The following ATP2C1 variants were observed in gnomAD, a reference collection of about 807,000 sequenced individuals.
ATP2C1 encodes the protein calcium-transporting ATPase type 2C member 1.
A neutral mutation model predicts 120.5 loss-of-function variants in ATP2C1; 31 were observed. The ratio of observed to expected loss-of-function variants is 0.26; its 90% CI spans 0.19 to 0.35. The LOEUF is 0.35. Ranked by LOEUF, ATP2C1 falls within the 10% of genes least tolerant of loss-of-function variation. ATP2C1 has a pLI of 1.00. For missense variants in ATP2C1, 731 were observed against 1,107.5 expected (o/e 0.66, Z 4.83); for synonymous variants, 351 against 358.7 (o/e 0.98, Z 0.24).
intron 2 of ATP2C1, among the ~76,000 whole-genome samples, chr3:130,895,585 C>G (rs1296875035): frequency 3.3e-5 from 5 of 151,988 alleles, no homozygotes; most frequent in Non-Finnish European, 5.9e-5. Context: ...TTTCTTCTGC[C>G]TTTAACCGGG....
chr3:130,937,495 G>C, intron 6 of ATP2C1, 32 bp downstream of exon 6: 1 of 1,591,920 alleles, frequency 6.3e-7, no homozygotes, highest in Non-Finnish European at 8.6e-7. Flanking sequence ...CATGAAAATG[G>C]TATGTTAATT....
rs758908944 is a variant in ATP2C1 at position 130,945,901 on chromosome 3, GT to G, written c.531+4217del. Among the ~76,000 whole-genome samples the G allele has an allele frequency of 3.2e-3, 413 of 130,608 alleles. 1 individual carries two copies. The highest frequency in any genetic ancestry group is 3.4e-3 in the Non-Finnish European group (206 of 59,844). The allele number at this position is 130,608 out of a possible 152,430, so 85.7% of individuals were successfully genotyped here. A position where few individuals can be genotyped will look rare whatever the true frequency, so the allele number is the denominator to read the frequency against. ...AGGGTCAGATGGAAAAAGGTTGTGG[GT>G]TTTTTTTTTTTTTTGGTCTTTTGAA... On this transcript the variant is annotated intron_variant, in intron 8 of 27. Transcript: ENST00000510168.
At chr3:131,014,037 A>G (rs1404478839) in intron 26 of ATP2C1, 1 of 1,494,170 alleles carries the variant, frequency 6.7e-7, no homozygotes, top group Non-Finnish European at 9.0e-7. Flanking sequence ...AAATACATCT[A>G]GTTTGATGCA....
At chr3:130,966,579 A>G (rs2061055287) in intron 14 of ATP2C1, among the ~76,000 whole-genome samples, 3 of 151,978 alleles carry the variant, frequency 2.0e-5, no homozygotes. Context: ...TATGATTTTT[A>G]TTGTGAAATT....
chr3:130,979,537 A>G, intron 19 of ATP2C1, 118 bp downstream of exon 19: 1 of 1,131,058 alleles, frequency 8.8e-7, no homozygotes, highest in Non-Finnish European at 1.3e-6. Flanking sequence ...ATGCAATTGA[A>G]ATCGACTCAT....
chr3:130,980,509 T>G, intron 19 of ATP2C1, 73 bp from the exon 20 acceptor site: 1 of 1,004,576 alleles, frequency 1.0e-6, no homozygotes, highest in East Asian at 2.4e-5. Flanking sequence ...TCATACTAAA[T>G]GAGCATTACG....
At chr3:130,914,962 G>A (rs141856445) in intron 2 of ATP2C1, among the ~76,000 whole-genome samples, 1,554 of 152,326 alleles carry the variant, frequency 0.01, 14 homozygotes, top group South Asian at 0.022. Flanking sequence ...CGGGAAAGCA[G>A]TTGGATTGTT....
In ATP2C1 at chr3:130,852,649, G is replaced by C. The variant is rs189282559; in HGVS notation, c.108+1721G>C. ...TTTTAAAGCCAACTACAGCTCTGCA[G>C]ACCTAATGTCTCACAGAATTAGAGA... is the stretch of plus-strand genomic sequence containing the variant. On this transcript the variant is annotated intron_variant, in intron 1 of 26. Coordinates refer to the ATP2C1 transcript ENST00000504381. Among the ~76,000 whole-genome samples, 230 of 152,296 alleles carry C rather than the reference G, an allele frequency of 1.5e-3. 1 individual carries two copies. Among genetic ancestry groups the C allele is most frequent in the Non-Finnish European group, 2.7e-3 (184 of 68,014 alleles).
rs563642530 is a variant in ATP2C1 at position 130,980,236 on chromosome 3, A to G, written c.1742-346A>G. Among the ~76,000 whole-genome samples the G allele has an allele frequency of 1.9e-4, 29 of 152,004 alleles. No homozygotes were observed. In the South Asian group the frequency reaches 5.6e-3, roughly 29 times the overall value. On this transcript the variant is annotated intron_variant, in intron 19 of 27. Transcript: ENST00000510168. ...TCGATTCTTAGGTATGCTAGCTTAAATAGTCAAAATTCTTTTTTTTTTTTT... is the reference window on the plus strand; with the variant it reads ...TCGATTCTTAGGTATGCTAGCTTAAGTAGTCAAAATTCTTTTTTTTTTTTT...
At chr3:130,883,862 G>A (rs1044051041) in intron 1 of ATP2C1, among the ~76,000 whole-genome samples, 1 of 149,818 alleles carries the variant, frequency 6.7e-6, no homozygotes, top group African/African-American at 2.5e-5. Context: ...TTGGTATGTT[G>A]TGTTTCCATT....
intron 8 of ATP2C1, among the ~76,000 whole-genome samples, chr3:130,944,658 A>G (rs1198843382): frequency 6.6e-6 from 1 of 152,196 alleles, no homozygotes; most frequent in East Asian, 1.9e-4. Flanking sequence ...CATAGTTAAG[A>G]CTGTAACAGG....
chr3:130,920,509 C>G (rs2058904776), intron 2 of ATP2C1, among the ~76,000 whole-genome samples: 1 of 152,098 alleles, frequency 6.6e-6, no homozygotes, highest in African/African-American at 2.4e-5. Context: ...TCTAGGCTTT[C>G]TTTCTGTGTT....
Position 130,998,393 on chromosome 3 carries a change from T to C in ATP2C1, c.2487+4T>C. 1 of 1,584,212 alleles carries C rather than the reference T, an allele frequency of 6.3e-7. No homozygotes were observed. ...TGCACTAAGTTCCAGATCCCAGGTATGTTTAGGTGAACTTAGTTGATTGAC... is the reference window on the plus strand; with the variant it reads ...TGCACTAAGTTCCAGATCCCAGGTACGTTTAGGTGAACTTAGTTGATTGAC... On this transcript the variant is annotated splice_donor_region_variant and intron_variant, in intron 26 of 27. Transcript: ENST00000510168.
At chr3:130,992,384 A>G (rs989310884) in intron 20 of ATP2C1, among the ~76,000 whole-genome samples, 2 of 152,224 alleles carry the variant, frequency 1.3e-5, no homozygotes, top group Admixed American at 1.3e-4. Context: ...ACGATTTTAG[A>G]TCAGGAGATG....
intron 1 of ATP2C1, among the ~76,000 whole-genome samples, chr3:130,870,337 A>G (rs147036305): frequency 0.024 from 3,679 of 152,346 alleles, 153 homozygotes; most frequent in African/African-American, 0.084. Flanking sequence ...TTATTATTTA[A>G]GAAACACATT....
At chr3:130,972,911 G>A (rs542116004) in intron 17 of ATP2C1, among the ~76,000 whole-genome samples, 1 of 151,820 alleles carries the variant, frequency 6.6e-6, no homozygotes, top group African/African-American at 2.4e-5. Context: ...CAAACCAACA[G>A]AGAAAGGGAT....
At position 130,877,528 on chromosome 3, in the gene ATP2C1, C is replaced by A. The variant is rs566862932; in HGVS notation, c.108+26600C>A. ...GAAGACATTTATGCAGCCGACAGAC[C>A]CATGAAAAAATGCTCATCATCACTG... On this transcript the variant is annotated intron_variant, in intron 1 of 26. Transcript: ENST00000504381. Among the ~76,000 whole-genome samples the A allele has an allele frequency of 7.2e-5, 11 of 152,150 alleles. No individual in the cohort carries two copies. In the East Asian group the frequency reaches 7.7e-4, roughly 11 times the overall value.
chr3:130,879,816 G>T (rs1261556439), intron 1 of ATP2C1, among the ~76,000 whole-genome samples: 1 of 152,218 alleles, frequency 6.6e-6, no homozygotes, highest in African/African-American at 2.4e-5. Context: ...ATCAACATCA[G>T]TGGTGTCTGC....
chr3:130,881,747 A>G (rs771738383), intron 1 of ATP2C1, among the ~76,000 whole-genome samples: 2 of 152,224 alleles, frequency 1.3e-5, no homozygotes, highest in African/African-American at 4.8e-5. Context: ...AGTGTTTTAC[A>G]GTTTTCATCA....
Sources: allele counts gnomAD v4.1 joint callset (sites outside exome capture counted in the v4.1 genomes callset), GRCh38; gene constraint gnomAD v4.1.1; transcripts MANE v1.5; gene names NCBI Gene and HGNC (gene_info 2026-07-23, HGNC 2026-07-21).